The following CDC42BPB variants were observed in gnomAD, a reference collection of about 807,000 sequenced individuals.
The protein encoded by CDC42BPB is serine/threonine-protein kinase MRCK beta.
In CDC42BPB, 37 loss-of-function variants were observed where a neutral mutation model predicts 214.9. That is an observed-to-expected ratio of 0.17 (90% confidence interval 0.13 to 0.23). The LOEUF (loss-of-function observed/expected upper bound fraction) is 0.23. Ranked by LOEUF, CDC42BPB falls within the 10% of genes least tolerant of loss-of-function variation. CDC42BPB has a pLI of 1.00. For synonymous variants in CDC42BPB, 931 were observed against 884.0 expected, an observed-to-expected ratio of 1.05 and a Z score of -0.94; for missense variants, 1,694 against 2,227.0, an observed-to-expected ratio of 0.76 and a Z score of 4.82.
chr14:103,049,566 G>A (rs1888491681), intron 1 of CDC42BPB, among the ~76,000 whole-genome samples: 1 of 152,236 alleles, frequency 6.6e-6, no homozygotes, highest in Non-Finnish European at 1.5e-5. Flanking sequence ...CGGAGCAAGC[G>A]ACTGGTAGAG....
intron 1 of CDC42BPB, among the ~76,000 whole-genome samples, chr14:103,047,797 G>A (rs780316914): frequency 4.1e-4 from 63 of 151,872 alleles, no homozygotes; most frequent in Middle Eastern, 3.2e-3. Flanking sequence ...CCAGCTACTC[G>A]GGAGGCTGAG....
chr14:103,057,464 C>T lies in CDC42BPB; in HGVS notation c.-291G>A. ...CCCCCGCCGCCCTCAGCCCCGCCCGCGGCCGCGCCCTCCCCGCCGCCGCCG... is the reference window on the plus strand; with the variant it reads ...CCCCCGCCGCCCTCAGCCCCGCCCGTGGCCGCGCCCTCCCCGCCGCCGCCG... On this transcript the variant is annotated 5_prime_UTR_variant, in exon 1 of 37. Transcript: ENST00000361246. 3.6e-6 allele frequency: 1 copy of T among 279,048 alleles called. No homozygotes were observed. 17.3% of individuals were successfully genotyped at this position (279,048 alleles called of 1,614,324 possible).
chr14:102,946,202 T>C (rs1297894832), intron 28 of CDC42BPB, among the ~76,000 whole-genome samples: 1 of 152,136 alleles, frequency 6.6e-6, no homozygotes, highest in Non-Finnish European at 1.5e-5. Flanking sequence ...TATTTTTTTT[T>C]TTAGCAGAGA....
intron 1 of CDC42BPB, among the ~76,000 whole-genome samples, chr14:103,018,415 G>C (rs1362298425): frequency 6.6e-6 from 1 of 152,194 alleles, no homozygotes. Context: ...GGAAAACTTA[G>C]AGGGGCAAGG....
chr14:103,050,943 T>A (rs1379482151), intron 1 of CDC42BPB, among the ~76,000 whole-genome samples: 1 of 152,136 alleles, frequency 6.6e-6, no homozygotes, highest in Non-Finnish European at 1.5e-5. Context: ...AAATTTATGT[T>A]TGAATTTCTA....
At position 102,943,615 on chromosome 14, in the gene CDC42BPB, G is replaced by T. The variant is rs35858479; in HGVS notation, c.4408+276C>A. Among the ~76,000 whole-genome samples the T allele has an allele frequency of 5.9e-4, 90 of 152,258 alleles. 1 individual carries two copies. In the Middle Eastern group the frequency reaches 0.017, roughly 29 times the overall value. ...GTTCGCCGAGCCCTTCTGCCCAGGGGCCTATGCCCGCCGACGGGGTCCTCT... is the reference window on the plus strand; with the variant it reads ...GTTCGCCGAGCCCTTCTGCCCAGGGTCCTATGCCCGCCGACGGGGTCCTCT... On this transcript the variant is annotated intron_variant, in intron 30 of 36. Coordinates refer to ENST00000361246, the MANE Select transcript of CDC42BPB (RefSeq NM_006035.4). The surrounding 1 kb of genome is among the most constrained non-coding windows in gnomAD (Gnocchi z 4.6).
At chr14:102,954,715 G>C (rs1401503836) in intron 21 of CDC42BPB, 27 bp from the exon 22 acceptor site, 1 of 1,601,742 alleles carries the variant, frequency 6.2e-7, no homozygotes, top group Admixed American at 1.7e-5. Context: ...AGAAAGAGTG[G>C]GGTGAAAGGA....
chr14:102,943,116 C>G lies in CDC42BPB; in HGVS notation c.4408+775G>C, dbSNP rs34759179. Among the ~76,000 whole-genome samples the G allele has an allele frequency of 1.7e-4, 26 of 152,232 alleles. No homozygotes were observed. Among genetic ancestry groups the G allele is most frequent in the Non-Finnish European group, 3.7e-4 (25 of 68,014 alleles). On this transcript the variant is annotated intron_variant, in intron 30 of 36. Coordinates refer to ENST00000361246, the MANE Select transcript of CDC42BPB (RefSeq NM_006035.4). The surrounding 1 kb of genome is among the most constrained non-coding windows in gnomAD (Gnocchi z 4.6). ...TCGATCTCCTAACCTCGTGATCCGC[C>G]CTGCCTTGGGCTCCCAAAGTGCTGG...
intron 30 of CDC42BPB, chr14:102,941,451 T>C (rs1891885077): frequency 2.0e-6 from 2 of 985,474 alleles, no homozygotes; most frequent in Non-Finnish European, 2.4e-6. Flanking sequence ...CAAAAGATAC[T>C]GGCCTGGTCA....
chr14:103,004,048 T>A lies in CDC42BPB; in HGVS notation c.352-25A>T, dbSNP rs376507952. On this transcript the variant is annotated intron_variant, in intron 3 of 36. Transcript: ENST00000361246. This position sits in a 1 kb window ranked among gnomAD's most constrained non-coding sequence, Gnocchi z 5.3. ...TCTGCAAAGCAACGAGGGGTGTCAG[T>A]CTGTGTTCACTGGGAAGCAGGCCAG... 364 of 1,576,804 alleles carry A rather than the reference T, an allele frequency of 2.3e-4. No individual in the cohort carries two copies. The highest frequency in any genetic ancestry group is 2.0e-4 in the Non-Finnish European group (238 of 1,165,690).
chr14:102,976,248 T>A, intron 9 of CDC42BPB, 199 bp from the exon 10 acceptor site: 10 of 982,828 alleles, frequency 1.0e-5, no homozygotes, highest in Non-Finnish European at 1.2e-5. Flanking sequence ...GCCCTCCCCA[T>A]CGCTGGTCAA....
chr14:103,042,298 C>G, intron 1 of CDC42BPB, among the ~76,000 whole-genome samples: 1 of 151,560 alleles, frequency 6.6e-6, no homozygotes, highest in East Asian at 1.9e-4. Context: ...TAAAATTCAA[C>G]AAAAACACAA....
chr14:103,018,833 A>G (rs2139664321), intron 1 of CDC42BPB, among the ~76,000 whole-genome samples: 1 of 152,354 alleles, frequency 6.6e-6, no homozygotes, highest in African/African-American at 2.4e-5. Flanking sequence ...CGAAACCACC[A>G]GCTTCCATGG....
chr14:102,972,994 T>C (rs1179577208), intron 12 of CDC42BPB, among the ~76,000 whole-genome samples: 2 of 152,242 alleles, frequency 1.3e-5, no homozygotes, highest in African/African-American at 2.4e-5. Context: ...GTGCGGATAC[T>C]GGCTGTCACT....
In CDC42BPB at chr14:103,013,997, CTACTAAAAATACAAAAAAT is replaced by C. The variant is rs1178878583; in HGVS notation, c.176-1828_176-1810del. Among the ~76,000 whole-genome samples, 7 of 152,252 alleles carry C rather than the reference CTACTAAAAATACAAAAAAT, an allele frequency of 4.6e-5. No homozygotes were observed. In the South Asian group the frequency reaches 1.2e-3, roughly 27 times the overall value. ...TGGCTAACACGGTGAAACCCTGTCTCTACTAAAAATACAAAAAATTTAGCTGGGCGTGGTGGCGGGCGCC... is the reference window on the plus strand; with the variant it reads ...TGGCTAACACGGTGAAACCCTGTCTCTTAGCTGGGCGTGGTGGCGGGCGCC... On this transcript the variant is annotated intron_variant, in intron 1 of 36. Transcript: ENST00000361246.
chr14:102,992,106 G>C (rs1236597215), intron 5 of CDC42BPB, among the ~76,000 whole-genome samples: 1 of 152,186 alleles, frequency 6.6e-6, no homozygotes, highest in Non-Finnish European at 1.5e-5. Flanking sequence ...AGCACTGTGG[G>C]GGGGATGAGG....
At chr14:102,968,393 C>G (rs773581512) in intron 15 of CDC42BPB, 35 bp from the exon 16 acceptor site, 1 of 1,612,612 alleles carries the variant, frequency 6.2e-7, no homozygotes, top group Non-Finnish European at 8.5e-7. Context: ...TTTAAAAGCT[C>G]GTAACTTCAC....
chr14:103,031,772 G>C (rs187973343), intron 1 of CDC42BPB, among the ~76,000 whole-genome samples: 2 of 152,172 alleles, frequency 1.3e-5, no homozygotes, highest in African/African-American at 4.8e-5. Flanking sequence ...GGCTTCTAAG[G>C]GCTGGATTCC....
intron 2 of CDC42BPB, among the ~76,000 whole-genome samples, chr14:103,011,873 T>C (rs1320316147): frequency 6.6e-6 from 1 of 152,016 alleles, no homozygotes; most frequent in Middle Eastern, 3.2e-3. Context: ...CCCAGCTCCT[T>C]GGGAGGCCGA....
Sources: gnomAD v4.1 joint callset for allele counts (sites outside exome capture counted in the v4.1 genomes callset) on GRCh38, gnomAD v4.1.1 for gene constraint, Gnocchi (gnomAD v3.1) non-coding constraint, MANE v1.5 for transcripts, NCBI Gene and HGNC (gene_info 2026-07-23, HGNC 2026-07-21) for gene names.